The following DOCK9 variants were observed in gnomAD, a reference collection of about 807,000 sequenced individuals.
The protein encoded by DOCK9 is dedicator of cytokinesis 9.
Under a neutral mutation model 263.3 loss-of-function variants are expected in DOCK9, and 89 were observed. The observed-to-expected ratio is 0.34, with a 90% CI of 0.28 to 0.40. The LOEUF is 0.40. Ranked by LOEUF, DOCK9 falls within the 10% of genes least tolerant of loss-of-function variation. The pLI, the probability that DOCK9 is intolerant of heterozygous loss-of-function variation, is 1.00. For missense variants in DOCK9, 2,140 were observed against 2,603.4 expected (o/e 0.82, Z 3.87); for synonymous variants, 976 against 973.1 (o/e 1.00, Z -0.06).
In DOCK9 at chr13:98,888,427, A is replaced by C; in HGVS notation, c.1910T>G (p.Ile637Ser). The change falls in exon 17 of 53, where the codon ATC becomes AGC. Residue 637 changes from isoleucine to serine, a missense_variant. By Grantham distance (142) the Ile-to-Ser change is moderately radical (BLOSUM62 -2). Coordinates refer to ENST00000682017, the MANE Select transcript of DOCK9 (RefSeq NM_001366683.2). ...CIPKHTQPYT[I>S]YTNHLYVYPK... ...ATAAACGTAAAGGTGATTGGTGTAG[A>C]TGGTGTAAGGCTGAGTGTGTTTTGG... The C allele has an allele frequency of 6.2e-7, 1 of 1,614,034 alleles. No homozygotes were observed. Among genetic ancestry groups the C allele is most frequent in the East Asian group, 2.2e-5 (1 of 44,872 alleles).
chr13:98,995,113 G>A (rs1880698059), intron 1 of DOCK9, among the ~76,000 whole-genome samples: 1 of 152,152 alleles, frequency 6.6e-6, no homozygotes. Flanking sequence ...ACATGTGCAG[G>A]CCCATCAGTC....
intron 35 of DOCK9, among the ~76,000 whole-genome samples, chr13:98,852,881 T>C (rs377692052): frequency 3.9e-5 from 6 of 152,302 alleles, no homozygotes; most frequent in Admixed American, 2.0e-4. Context: ...AACAGAAACA[T>C]AATCTACTAT....
exon 1 of DOCK9, chr13:99,086,439 C>G (rs1463031919): frequency 1.2e-6 from 1 of 865,132 alleles, no homozygotes; most frequent in Admixed American, 6.4e-5. Flanking sequence ...GCGCCCGGCC[C>G]GCTCCGCCCG....
rs2044623615 is a variant in DOCK9, at chr13:98,880,793, G to A, written c.2746-121C>T. 5 of 1,313,140 alleles carry A rather than the reference G, an allele frequency of 3.8e-6. No homozygotes were observed. The South Asian group carries it at 4.4e-5, about 12-fold the overall frequency. 81.3% of individuals were successfully genotyped at this position (1,313,140 alleles called of 1,614,324 possible). The stretch of plus-strand genomic sequence containing the variant: ...TACAATATCATTTGTGGGAGAGGAA[G>A]GTGTGGATACAAAGATGGGAAGGGT... On this transcript the variant is annotated intron_variant, in intron 25 of 52. Transcript: ENST00000682017.
At chr13:99,057,762 G>A (rs907796637) in intron 1 of DOCK9, among the ~76,000 whole-genome samples, 2 of 152,154 alleles carry the variant, frequency 1.3e-5, no homozygotes, top group African/African-American at 4.8e-5. Context: ...CAATCCAGGA[G>A]TGCCACACCA....
chr13:98,919,381 G>A (rs2051492063), intron 7 of DOCK9, among the ~76,000 whole-genome samples: 1 of 152,208 alleles, frequency 6.6e-6, no homozygotes, highest in Non-Finnish European at 1.5e-5. Flanking sequence ...TTACAGGCGT[G>A]AGCCACTGCA....
intron 1 of DOCK9, among the ~76,000 whole-genome samples, chr13:99,024,911 G>A (rs9517552): frequency 0.49 from 74,915 of 151,636 alleles, 18,734 homozygotes; most frequent in East Asian, 0.65. Flanking sequence ...AGGTTAAATG[G>A]AACTAAACAT....
chr13:98,975,153 C>T (rs545863611), intron 1 of DOCK9, among the ~76,000 whole-genome samples: 14 of 152,166 alleles, frequency 9.2e-5, no homozygotes, highest in South Asian at 4.1e-4. Flanking sequence ...CCGAGGCGGG[C>T]GGATCTCCTG....
At chr13:98,886,041 A>G (rs2045643930) in intron 19 of DOCK9, among the ~76,000 whole-genome samples, 1 of 152,330 alleles carries the variant, frequency 6.6e-6, no homozygotes, top group South Asian at 2.1e-4. Flanking sequence ...AAGAGAGTTG[A>G]TGGTATTTCT....
At chr13:98,845,860 G>A in intron 38 of DOCK9, 64 bp downstream of exon 38, 1 of 1,584,440 alleles carries the variant, frequency 6.3e-7, no homozygotes, top group Non-Finnish European at 8.6e-7. Flanking sequence ...GTGGCCTAGG[G>A]CTCTCCCCTC....
Position 98,888,228 on chromosome 13 carries a change from A to C in DOCK9, c.1978-5T>G. On this transcript the variant is annotated splice_region_variant and splice_polypyrimidine_tract_variant and intron_variant, in intron 17 of 52. Coordinates refer to ENST00000682017, the MANE Select transcript of DOCK9 (RefSeq NM_001366683.2). Reference sequence around the variant, plus strand: ...GCAAATCGCAATATTTCTAGCCTGCAGCAATAAACAAAACAGAATAAGAAA... The same window carrying C: ...GCAAATCGCAATATTTCTAGCCTGCCGCAATAAACAAAACAGAATAAGAAA... The C allele has an allele frequency of 6.2e-7, 1 of 1,611,088 alleles. No individual in the cohort carries two copies.
chr13:99,071,419 A>C (rs2041674534), intron 1 of DOCK9, among the ~76,000 whole-genome samples: 1 of 149,204 alleles, frequency 6.7e-6, no homozygotes, highest in African/African-American at 2.5e-5. Context: ...TACAGGCGTG[A>C]GTCACTGTGC....
chr13:98,975,077 G>A (rs1038581620), intron 1 of DOCK9, among the ~76,000 whole-genome samples: 2 of 152,122 alleles, frequency 1.3e-5, no homozygotes, highest in African/African-American at 4.8e-5. Context: ...GAGATAATAT[G>A]CAGCCATTAA....
intron 1 of DOCK9, among the ~76,000 whole-genome samples, chr13:99,072,494 T>G (rs975973763): frequency 7.2e-5 from 11 of 152,306 alleles, no homozygotes; most frequent in Middle Eastern, 3.4e-3. Context: ...AAAGCACTGA[T>G]GAAACTGAGG....
chr13:99,053,138 C>T (rs969864175), intron 1 of DOCK9, among the ~76,000 whole-genome samples: 5 of 152,164 alleles, frequency 3.3e-5, no homozygotes, highest in Non-Finnish European at 5.9e-5. Flanking sequence ...ATCACTCCTG[C>T]GCCCTCTCCC....
At chr13:98,820,090 G>A (rs1406918600) in intron 45 of DOCK9, among the ~76,000 whole-genome samples, 1 of 152,200 alleles carries the variant, frequency 6.6e-6, no homozygotes, top group Non-Finnish European at 1.5e-5. Context: ...GCTTCCTAGG[G>A]AAAATGCAAG....
At chr13:99,086,077 C>G in intron 1 of DOCK9, 5 of 1,259,068 alleles carry the variant, frequency 4.0e-6, no homozygotes, top group South Asian at 1.8e-5. Flanking sequence ...CAACTCCCTC[C>G]CGCCGGCCCC....
chr13:99,086,889 C>G (rs1299494143), upstream of DOCK9, among the ~76,000 whole-genome samples: 1 of 151,836 alleles, frequency 6.6e-6, no homozygotes, highest in East Asian at 1.9e-4. Context: ...GGCCGCACGT[C>G]CGAAGACCGG....
At chr13:98,803,690 T>C (rs568017281) in intron 49 of DOCK9, among the ~76,000 whole-genome samples, 23 of 152,328 alleles carry the variant, frequency 1.5e-4, no homozygotes, top group African/African-American at 4.6e-4. Flanking sequence ...GGAAGCGCAG[T>C]TATTTGGCTT....
Sources: allele counts gnomAD v4.1 joint callset (sites outside exome capture counted in the v4.1 genomes callset), GRCh38; gene constraint gnomAD v4.1.1; transcripts MANE v1.5; gene names NCBI Gene and HGNC (gene_info 2026-07-23, HGNC 2026-07-21).